Variants in EIF1AX observed in about 807,000 individuals in gnomAD.
EIF1AX encodes the protein eukaryotic translation initiation factor 1A, X-chromosomal.
In EIF1AX, 1 loss-of-function variant was observed where a neutral mutation model predicts 16.1. The observed-to-expected ratio is 0.06, with a 90% confidence interval of 0.02 to 0.30. The LOEUF is 0.30. Among genes scored for constraint, EIF1AX ranks in the 10% least tolerant of loss-of-function variants. The pLI is 1.00. For synonymous variants in EIF1AX, 32 were observed against 37.3 expected, an observed-to-expected ratio of 0.86 and a Z score of 0.51; for missense variants, 11 against 109.1, an observed-to-expected ratio of 0.10 and a Z score of 4.00.
At chrX:20,141,565 G>C in intron 1 of EIF1AX, 60 bp downstream of exon 1, 1 of 1,128,263 alleles carries the variant, frequency 8.9e-7, no homozygotes, top group Non-Finnish European at 1.2e-6. Flanking sequence ...GCAATCTACG[G>C]GCAGGACCTG....
In EIF1AX at chrX:20,124,960, A is replaced by C. The variant is rs2066980453; in HGVS notation, c.*3346T>G. 1 of 148,625 alleles carries C rather than the reference A, an allele frequency of 6.7e-6. No homozygotes were observed. Among genetic ancestry groups the C allele is most frequent in the Non-Finnish European group, 1.3e-5 (1 of 75,088 alleles). The allele number at this position is 148,625 out of a possible 1,213,427, so 12.2% of individuals were successfully genotyped here. A position where few individuals can be genotyped will look rare whatever the true frequency, so the allele number is the denominator to read the frequency against. ...ACATGCACCTTCTATCTTACATAGT[A>C]CTGGATATCAAGTGAAAAGAGCAGA... is the stretch of plus-strand genomic sequence containing the variant. On this transcript the variant is annotated 3_prime_UTR_variant, in exon 7 of 7. Transcript: ENST00000379607.
intron 4 of EIF1AX, among the ~76,000 whole-genome samples, chrX:20,133,377 A>G (rs777235930): frequency 9.0e-6 from 1 of 111,449 alleles, no homozygotes; most frequent in Non-Finnish European, 1.9e-5. Flanking sequence ...ACTACATGCT[A>G]GCAGCACTGC....
chrX:20,138,232 T>C (rs765343173), intron 2 of EIF1AX, among the ~76,000 whole-genome samples: 5 of 109,517 alleles, frequency 4.6e-5, no homozygotes, highest in African/African-American at 1.7e-4. Context: ...CTCGAACTCC[T>C]GACCTCGTGA....
intron 2 of EIF1AX, among the ~76,000 whole-genome samples, chrX:20,138,176 T>G (rs1317982385): frequency 1.8e-5 from 2 of 108,358 alleles, no homozygotes; most frequent in Non-Finnish European, 3.8e-5. Context: ...AGCTAATTTT[T>G]GTAATTTTAG....
chrX:20,131,702 AT>A (rs1181162898), intron 5 of EIF1AX, among the ~76,000 whole-genome samples: 17 of 73,244 alleles, frequency 2.3e-4, no homozygotes, highest in Non-Finnish European at 4.5e-4. Context: ...TTTTTTTTTA[AT>A]TTTTTTTGAG....
intron 5 of EIF1AX, 124 bp from the exon 6 acceptor site, chrX:20,130,731 C>T: frequency 1.6e-6 from 1 of 639,964 alleles, no homozygotes; most frequent in Non-Finnish European, 2.2e-6. Context: ...AAAATTCCTG[C>T]AGTGTCACTG....
chrX:20,137,984 T>C (rs951070609), intron 2 of EIF1AX, among the ~76,000 whole-genome samples: 3 of 96,367 alleles, frequency 3.1e-5, no homozygotes, highest in Non-Finnish European at 6.1e-5. Context: ...GAAGACCTCA[T>C]CTCTATACAG....
Position 20,126,764 on chromosome X carries a change from A to G in EIF1AX, c.*1542T>C, listed in dbSNP as rs1247339068. 2 of 141,210 alleles carry G rather than the reference A, an allele frequency of 1.4e-5. No individual in the cohort carries two copies. Among genetic ancestry groups the G allele is most frequent in the Non-Finnish European group, 2.8e-5 (2 of 70,754 alleles). The allele number at this position is 141,210 out of a possible 1,213,427, so 11.6% of individuals were successfully genotyped here. ...CCACCTAGATGTGTTCACGAACTCC[A>G]TAGAATAAGAAATATAAACCATGAA... On this transcript the variant is annotated 3_prime_UTR_variant, in exon 7 of 7. Coordinates refer to ENST00000379607, the MANE Select transcript of EIF1AX (RefSeq NM_001412.4).
chrX:20,138,439 A>C (rs2067024457), intron 2 of EIF1AX, 100 bp downstream of exon 2: 1 of 688,137 alleles, frequency 1.5e-6, no homozygotes, highest in Admixed American at 2.4e-5. Flanking sequence ...ACCACACTTC[A>C]CCCTGGGCGA....
intron 3 of EIF1AX, 103 bp downstream of exon 3, chrX:20,135,635 C>G: frequency 1.8e-6 from 1 of 560,756 alleles, no homozygotes. Context: ...CAAGGTAAGT[C>G]TTTTGGGAAT....
chrX:20,133,897 A>T, intron 4 of EIF1AX, 60 bp downstream of exon 4: 1 of 952,593 alleles, frequency 1.0e-6, no homozygotes, highest in Non-Finnish European at 1.5e-6. Context: ...ACTGGCTCTT[A>T]AGAAATGGCT....
In EIF1AX at chrX:20,126,307, A is replaced by G. The variant is rs190063183; in HGVS notation, c.*1999T>C. 133 of 129,845 alleles carry G rather than the reference A, an allele frequency of 1.0e-3. No homozygotes were observed. Among genetic ancestry groups the G allele is most frequent in the Admixed American group, 2.4e-3 (25 of 10,464 alleles). The allele number at this position is 129,845 out of a possible 1,213,427, so 10.7% of individuals were successfully genotyped here. On this transcript the variant is annotated 3_prime_UTR_variant, in exon 7 of 7. Transcript: ENST00000379607. Reference sequence around the variant, plus strand: ...TAGTAGAAGAATTCCTCCAAGTAGTATTGCATATAAGCTACAACTTTACCC... The same window carrying G: ...TAGTAGAAGAATTCCTCCAAGTAGTGTTGCATATAAGCTACAACTTTACCC...
At chrX:20,139,146 G>A (rs1291815021) in intron 1 of EIF1AX, among the ~76,000 whole-genome samples, 3 of 111,750 alleles carry the variant, frequency 2.7e-5, no homozygotes, top group Non-Finnish European at 5.6e-5. Flanking sequence ...CTACTCAGGA[G>A]GCTCAGGTGG....
At chrX:20,139,810 A>G (rs2148609696) in intron 1 of EIF1AX, among the ~76,000 whole-genome samples, 1 of 112,422 alleles carries the variant, frequency 8.9e-6, no homozygotes, top group South Asian at 3.6e-4. Flanking sequence ...ACCTCCAAAA[A>G]GAGAGTAAAA....
intron 1 of EIF1AX, 80 bp from the exon 2 acceptor site, chrX:20,138,702 CT>C: frequency 3.0e-6 from 2 of 656,604 alleles, no homozygotes; most frequent in Non-Finnish European, 4.6e-6. Flanking sequence ...GAAATTAAGG[CT>C]TATAAAACCA....
At chrX:20,141,256 C>A (rs1303434382) in intron 1 of EIF1AX, among the ~76,000 whole-genome samples, 1 of 111,585 alleles carries the variant, frequency 9.0e-6, no homozygotes, top group Non-Finnish European at 1.9e-5. Context: ...GGGATTATAA[C>A]CCCTCATGCC....
rs189817600 is a variant in EIF1AX, at chrX:20,135,377, G to A, written c.204+361C>T. ...GGGAGGATCACTTGAACCAATGAGG[G>A]TGAGGTTACAGTGAGCCCAGATCAT... On this transcript the variant is annotated intron_variant, in intron 3 of 6. Transcript: ENST00000379607. Among the ~76,000 whole-genome samples the A allele has an allele frequency of 1.6e-3, 180 of 110,519 alleles. 1 individual carries two copies. Among genetic ancestry groups the A allele is most frequent in the Non-Finnish European group, 2.1e-3 (112 of 52,818 alleles).
chrX:20,130,376 ATAT>A (rs969124688), intron 6 of EIF1AX, 137 bp downstream of exon 6: 20 of 494,051 alleles, frequency 4.0e-5, no homozygotes, highest in Non-Finnish European at 5.7e-5. Flanking sequence ...CTTCTAAATA[ATAT>A]TATTTAATTC....
In EIF1AX at chrX:20,126,430, T is replaced by C. The variant is rs1305296553; in HGVS notation, c.*1876A>G. On this transcript the variant is annotated 3_prime_UTR_variant, in exon 7 of 7. Transcript: ENST00000379607. ...GCAAGAACAATCACCAGTAAATACA[T>C]GAACTGGGGTTATAGCTGAATTTTT... 4 of 129,408 alleles carry C rather than the reference T, an allele frequency of 3.1e-5. No individual in the cohort carries two copies. Among genetic ancestry groups the C allele is most frequent in the Non-Finnish European group, 4.6e-5 (3 of 65,922 alleles). The allele number at this position is 129,408 out of a possible 1,213,427, so 10.7% of individuals were successfully genotyped here.
Sources: gnomAD v4.1 joint callset for allele counts (sites outside exome capture counted in the v4.1 genomes callset) on GRCh38, gnomAD v4.1.1 for gene constraint, MANE v1.5 for transcripts, NCBI Gene and HGNC (gene_info 2026-07-23, HGNC 2026-07-21) for gene names.